The following COX10 variants were observed in gnomAD, a reference collection of about 807,000 sequenced individuals.
The protein encoded by COX10 is protoheme IX farnesyltransferase, mitochondrial.
A neutral mutation model predicts 37.3 loss-of-function variants in COX10; 27 were observed. The observed-to-expected ratio is 0.72, with a 90% CI of 0.53 to 1.00. The LOEUF (loss-of-function observed/expected upper bound fraction) is 1.00. Among genes scored for constraint, COX10 ranks in the 50% least tolerant of loss-of-function variants. COX10 has a pLI of 0.00. For synonymous variants in COX10, 222 were observed against 229.1 expected (o/e 0.97, Z 0.28); for missense variants, 475 against 563.2 (o/e 0.84, Z 1.59).
chr17:14,090,169 T>C (rs1915494440), intron 3 of COX10, among the ~76,000 whole-genome samples: 1 of 151,976 alleles, frequency 6.6e-6, no homozygotes, highest in African/African-American at 2.4e-5. Context: ...TCTGAATCAC[T>C]CGAGGGAAGC....
intron 3 of COX10, among the ~76,000 whole-genome samples, chr17:14,084,493 G>T (rs541691621): frequency 6.6e-6 from 1 of 151,920 alleles, no homozygotes. Flanking sequence ...ATATACGATC[G>T]TAGCGTAAAT....
rs1230584122 is a variant in COX10 at position 14,159,886 on chromosome 17, G to A, written c.634G>A (p.Val212Met). The A allele has an allele frequency of 3.1e-6, 5 of 1,611,196 alleles. No homozygotes were observed. Among genetic ancestry groups the A allele is most frequent in the East Asian group, 2.2e-5 (1 of 44,788 alleles). ...TTCATTCTTTTTACAGTTTTTTGAG[G>A]TGCCATTTGACTCAAACATGAATAG... ...AANSINQFFE[V>M]PFDSNMNRTK... Residue 212 changes from valine (V) to methionine (M), a missense_variant, in exon 5 of 7, where the codon GTG (valine) becomes ATG (methionine). Physicochemically the swap from Val to Met is conservative, Grantham distance 21. Transcript: ENST00000261643.
intron 4 of COX10, among the ~76,000 whole-genome samples, chr17:14,113,237 C>G (rs1416157752): frequency 6.6e-6 from 1 of 152,110 alleles, no homozygotes; most frequent in Non-Finnish European, 1.5e-5. Context: ...TCTTCATTTT[C>G]TCATCACAGA....
intron 4 of COX10, among the ~76,000 whole-genome samples, chr17:14,130,388 C>T (rs1194070344): frequency 2.6e-5 from 4 of 151,996 alleles, no homozygotes; most frequent in South Asian, 4.1e-4. Context: ...AAAAATTCCC[C>T]GGGACTTCTG....
At chr17:14,149,769 C>T (rs1344008056) in intron 4 of COX10, among the ~76,000 whole-genome samples, 8 of 152,096 alleles carry the variant, frequency 5.3e-5, no homozygotes, top group Admixed American at 4.6e-4. Context: ...TGAATCTTGT[C>T]CTTCCTGAAA....
chr17:14,194,825 C>T (rs575729135), intron 6 of COX10, among the ~76,000 whole-genome samples: 1 of 152,202 alleles, frequency 6.6e-6, no homozygotes, highest in East Asian at 1.9e-4. Flanking sequence ...GCAGCTCATC[C>T]CTTGTTTAGG....
intron 1 of COX10, 121 bp downstream of exon 1, chr17:14,069,769 G>T (rs1353987354): frequency 1.7e-6 from 2 of 1,173,238 alleles, no homozygotes; most frequent in African/African-American, 1.5e-5. Flanking sequence ...CCGGCCACCG[G>T]TGTGGTGGGG....
At chr17:14,124,075 A>G (rs1197678997) in intron 4 of COX10, among the ~76,000 whole-genome samples, 2 of 152,178 alleles carry the variant, frequency 1.3e-5, no homozygotes, top group African/African-American at 4.8e-5. Context: ...CACTCCTGTC[A>G]AGGTGACTGT....
chr17:14,097,204 A>G (rs868190195), intron 3 of COX10, among the ~76,000 whole-genome samples: 1 of 152,196 alleles, frequency 6.6e-6, no homozygotes, highest in South Asian at 2.1e-4. Context: ...GCAGTGTTGT[A>G]TGAGAAAATC....
intron 4 of COX10, among the ~76,000 whole-genome samples, chr17:14,139,948 A>G (rs1386503638): frequency 6.6e-6 from 1 of 152,204 alleles, no homozygotes; most frequent in Non-Finnish European, 1.5e-5. Flanking sequence ...ACTCAACAGT[A>G]AAGAAACCTT....
At chr17:14,095,522 A>G (rs1223777375) in intron 3 of COX10, among the ~76,000 whole-genome samples, 2 of 152,160 alleles carry the variant, frequency 1.3e-5, no homozygotes, top group African/African-American at 2.4e-5. Flanking sequence ...TACCCTCATT[A>G]CAGTACATAT....
At chr17:14,087,326 G>C (rs1380017043) in intron 3 of COX10, among the ~76,000 whole-genome samples, 46 of 151,852 alleles carry the variant, frequency 3.0e-4, no homozygotes, top group Non-Finnish European at 4.4e-5. Context: ...GTCGCATATT[G>C]ATTCATTTTA....
intron 3 of COX10, among the ~76,000 whole-genome samples, chr17:14,085,313 G>A (rs1915386306): frequency 6.6e-6 from 1 of 152,120 alleles, no homozygotes; most frequent in Admixed American, 6.5e-5. Context: ...TATATTACAT[G>A]TTTTGTTTAG....
chr17:14,160,022 A>G, intron 5 of COX10, 75 bp downstream of exon 5: 1 of 1,400,166 alleles, frequency 7.1e-7, no homozygotes, highest in South Asian at 1.2e-5. Context: ...ATTTCCCACT[A>G]TTTTGCTTTG....
intron 5 of COX10, among the ~76,000 whole-genome samples, chr17:14,190,342 A>G (rs546709654): frequency 2.0e-4 from 31 of 152,298 alleles, no homozygotes; most frequent in Non-Finnish European, 3.7e-4. Flanking sequence ...TGGACAAGGC[A>G]GAATGGATTA....
intron 3 of COX10, among the ~76,000 whole-genome samples, chr17:14,084,550 T>G (rs1164232656): frequency 2.0e-5 from 3 of 152,240 alleles, no homozygotes. Flanking sequence ...TGTCTTTTTG[T>G]GTATCAACAT....
At chr17:14,196,246 C>T (rs751857817) in intron 6 of COX10, among the ~76,000 whole-genome samples, 1 of 152,108 alleles carries the variant, frequency 6.6e-6, no homozygotes, top group Middle Eastern at 3.2e-3. Context: ...CCAGTGAGTG[C>T]CCTCAGGAAA....
Position 14,138,667 on chromosome 17 carries a change from C to T in COX10, c.625-21210C>T, listed in dbSNP as rs944613928. Among the ~76,000 whole-genome samples the T allele has an allele frequency of 2.0e-5, 3 of 152,136 alleles. No homozygotes were observed. The South Asian group carries it at 6.2e-4, about 31-fold the overall frequency. The stretch of plus-strand genomic sequence containing the variant: ...GACGTATGGTATTCAGACTCATAAT[C>T]GGTCCTTTCTCTAAACTTATAATTA... On this transcript the variant is annotated intron_variant, in intron 4 of 6. Transcript: ENST00000261643.
At position 14,207,187 on chromosome 17, in the gene COX10, G is replaced by A. The variant is rs368828614; in HGVS notation, c.1306G>A (p.Gly436Arg). 28 of 1,600,542 alleles carry A rather than the reference G, an allele frequency of 1.7e-5. No homozygotes were observed. In the African/African-American group the frequency reaches 2.1e-4, roughly 12 times the overall value. The change falls in exon 7 of 7, where the codon GGG (glycine) becomes AGG (arginine). Residue 436 changes from glycine to arginine, a missense_variant. This residue lies in a region of COX10 where 160 missense variants were observed against 180.6 expected (regional missense o/e 0.89). Coordinates refer to ENST00000261643, the MANE Select transcript of COX10 (RefSeq NM_001303.4). ...CACCTGCAAGCGGCCGAGCGGAGGC[G>A]GGGACGCAGGGCCCCCTCCCAGCTG... is the stretch of plus-strand genomic sequence containing the variant. ...MLTCKRPSGG[G>R]DAGPPPS
Sources: gnomAD v4.1 joint callset for allele counts (sites outside exome capture counted in the v4.1 genomes callset) on GRCh38, gnomAD v4.1.1 for gene constraint, gnomAD v4.1.1 regional missense constraint, MANE v1.5 for transcripts, NCBI Gene and HGNC (gene_info 2026-07-23, HGNC 2026-07-21) for gene names.